Variants in RIDA observed in about 807,000 individuals in gnomAD.
The protein encoded by RIDA is reactive intermediate imine deaminase A, also known as 2-iminobutanoate/2-iminopropanoate deaminase.
Under a neutral mutation model 17.8 loss-of-function variants are expected in RIDA, and 17 were observed. The observed-to-expected ratio is 0.96, with a 90% CI of 0.65 to 1.43. The LOEUF (loss-of-function observed/expected upper bound fraction) is 1.43, where lower values mean the gene tolerates loss of function less well. Among genes scored for constraint, RIDA ranks in the 40% most tolerant of loss-of-function variants. The pLI, the probability that RIDA is intolerant of heterozygous loss-of-function variation, is 0.00. For synonymous variants in RIDA, 48 were observed against 55.7 expected (o/e 0.86, Z 0.62); for missense variants, 158 against 161.7 (o/e 0.98, Z 0.12).
chr8:98,114,599 G>T (rs1815776177), intron 1 of RIDA, among the ~76,000 whole-genome samples: 1 of 151,780 alleles, frequency 6.6e-6, no homozygotes. Context: ...CTCCCAAAGT[G>T]CTGGGATTAC....
intron 1 of RIDA, among the ~76,000 whole-genome samples, chr8:98,109,105 A>G (rs912468543): frequency 6.6e-5 from 10 of 152,056 alleles, no homozygotes; most frequent in South Asian, 4.1e-4. Flanking sequence ...AGGGTGATTG[A>G]ATTGCTTGAG....
chr8:98,116,190 G>C (rs1200054145), intron 1 of RIDA, among the ~76,000 whole-genome samples: 1 of 152,108 alleles, frequency 6.6e-6, no homozygotes, highest in Non-Finnish European at 1.5e-5. Flanking sequence ...CCTCTCACAA[G>C]GAACCTTCCT....
intron 1 of RIDA, among the ~76,000 whole-genome samples, chr8:98,116,775 G>A (rs1295084900): frequency 6.6e-6 from 1 of 152,216 alleles, no homozygotes; most frequent in Non-Finnish European, 1.5e-5. Flanking sequence ...AGGGTCTGAA[G>A]GCTTCTAACT....
At chr8:98,114,059 T>A (rs1032890884) in intron 1 of RIDA, among the ~76,000 whole-genome samples, 1 of 152,184 alleles carries the variant, frequency 6.6e-6, no homozygotes, top group Admixed American at 6.5e-5. Context: ...CTGGGCATGG[T>A]GGCCTGAGCC....
intron 2 of RIDA, among the ~76,000 whole-genome samples, chr8:98,108,316 T>C (rs1815662877): frequency 6.6e-6 from 1 of 152,038 alleles, no homozygotes; most frequent in Admixed American, 6.6e-5. Context: ...AATTTTTTTT[T>C]TTTTTTGAAG....
intron 2 of RIDA, among the ~76,000 whole-genome samples, chr8:98,108,307 ATT>A (rs200075722): frequency 6.9e-5 from 10 of 145,290 alleles, no homozygotes; most frequent in Admixed American, 1.4e-4. Flanking sequence ...TGTGGTGGTA[ATT>A]TTTTTTTTTT....
chr8:98,116,278 C>G (rs947379909), intron 1 of RIDA, among the ~76,000 whole-genome samples: 1 of 152,140 alleles, frequency 6.6e-6, no homozygotes, highest in Non-Finnish European at 1.5e-5. Context: ...CCCACTTGCC[C>G]TCTCACTTCT....
intron 4 of RIDA, 127 bp downstream of exon 4, chr8:98,105,811 C>A: frequency 3.3e-6 from 2 of 600,928 alleles, no homozygotes; most frequent in Non-Finnish European, 5.9e-6. Context: ...ATTATTAATT[C>A]TTTTAAGATC....
intron 1 of RIDA, among the ~76,000 whole-genome samples, chr8:98,114,323 A>G (rs1815769938): frequency 8.5e-6 from 1 of 118,062 alleles, no homozygotes. Context: ...TACCCTGCTA[A>G]AATCTTTTTT....
At chr8:98,107,430 A>G (rs1228226748) in intron 2 of RIDA, among the ~76,000 whole-genome samples, 4 of 152,120 alleles carry the variant, frequency 2.6e-5, no homozygotes, top group Non-Finnish European at 4.4e-5. Flanking sequence ...AGGCTGAGGC[A>G]AGAGAATTGC....
intron 4 of RIDA, among the ~76,000 whole-genome samples, chr8:98,105,641 T>A (rs892518007): frequency 6.6e-6 from 1 of 152,168 alleles, no homozygotes. Flanking sequence ...AATCTATGCA[T>A]AAAAAACTTG....
intron 5 of RIDA, among the ~76,000 whole-genome samples, chr8:98,103,315 C>T (rs923589426): frequency 6.6e-6 from 1 of 152,162 alleles, no homozygotes; most frequent in African/African-American, 2.4e-5. Flanking sequence ...TTCCAAGTAA[C>T]AACTAATTAA....
chr8:98,103,797 C>T (rs146992339), intron 5 of RIDA, among the ~76,000 whole-genome samples: 11,415 of 151,988 alleles, frequency 0.075, 516 homozygotes, highest in Middle Eastern at 0.23. Flanking sequence ...CCACCACACC[C>T]GGCTAATTTT....
intron 1 of RIDA, among the ~76,000 whole-genome samples, chr8:98,115,136 C>T (rs577547096): frequency 7.2e-5 from 11 of 152,084 alleles, no homozygotes; most frequent in South Asian, 4.1e-4. Context: ...ACCTGTAATC[C>T]GAGTACTTTG....
At chr8:98,108,516 A>G in intron 2 of RIDA, 130 bp downstream of exon 2, 1 of 631,020 alleles carries the variant, frequency 1.6e-6, no homozygotes, top group South Asian at 1.8e-5. Context: ...TGTTAAATCA[A>G]GCAGTAAGTA....
intron 1 of RIDA, among the ~76,000 whole-genome samples, chr8:98,112,155 T>G (rs564288362): frequency 2.6e-5 from 4 of 151,348 alleles, no homozygotes; most frequent in Non-Finnish European, 5.9e-5. Flanking sequence ...TGAGTCACCA[T>G]TGCTTCTGAT....
chr8:98,113,615 A>G (rs1194917025), intron 1 of RIDA: 2 of 152,084 alleles, frequency 1.3e-5, no homozygotes, highest in African/African-American at 4.8e-5. Context: ...TCAGCTTTAT[A>G]AAGACAGTTG....
chr8:98,112,222 A>C (rs991220795), intron 1 of RIDA, among the ~76,000 whole-genome samples: 2 of 151,544 alleles, frequency 1.3e-5, no homozygotes, highest in Non-Finnish European at 2.9e-5. Context: ...ACACACACAC[A>C]CTTTCTCTAA....
At chr8:98,116,463 C>CA (rs1283913632) in intron 1 of RIDA, among the ~76,000 whole-genome samples, 1 of 152,084 alleles carries the variant, frequency 6.6e-6, no homozygotes, top group Non-Finnish European at 1.5e-5. Flanking sequence ...TAAAGGACTG[C>CA]ATGTTTTATG....
Sources: allele counts gnomAD v4.1 joint callset (sites outside exome capture counted in the v4.1 genomes callset), GRCh38; gene constraint gnomAD v4.1.1; transcripts MANE v1.5; gene names NCBI Gene and HGNC (gene_info 2026-07-23, HGNC 2026-07-21).